PHACTR1: variants seen among roughly 807,000 people sequenced by gnomAD.
PHACTR1 encodes phosphatase and actin regulator 1.
A neutral mutation model predicts 69.2 loss-of-function variants in PHACTR1; 16 were observed. That is an observed-to-expected ratio of 0.23 (90% CI 0.16 to 0.35). The LOEUF (loss-of-function observed/expected upper bound fraction) is 0.35. PHACTR1 is among the 10% of genes least tolerant of loss of function. PHACTR1 has a pLI of 1.00. For synonymous variants in PHACTR1, 312 were observed against 284.5 expected (o/e 1.10, Z -0.97); for missense variants, 510 against 734.7 (o/e 0.69, Z 3.54).
At chr6:13,154,186 A>G (rs1561910058) in intron 5 of PHACTR1, among the ~76,000 whole-genome samples, 1 of 151,950 alleles carries the variant, frequency 6.6e-6, no homozygotes, top group Non-Finnish European at 1.5e-5. Context: ...GTTTTTTGAG[A>G]TGGAGTCTCA....
intron 3 of PHACTR1, among the ~76,000 whole-genome samples, chr6:12,747,558 CA>C (rs1765956276): frequency 6.6e-6 from 1 of 151,854 alleles, no homozygotes; most frequent in Non-Finnish European, 1.5e-5. Flanking sequence ...CCTAGCTACT[CA>C]GGAGGCTTGG....
chr6:13,269,062 C>G (rs1047899281), intron 10 of PHACTR1, among the ~76,000 whole-genome samples: 7 of 152,064 alleles, frequency 4.6e-5, no homozygotes, highest in Admixed American at 1.3e-4. Flanking sequence ...GGGATGGCAC[C>G]GTCAAAGCTG....
At chr6:13,190,073 G>A (rs1405486330) in intron 7 of PHACTR1, among the ~76,000 whole-genome samples, 1 of 147,000 alleles carries the variant, frequency 6.8e-6, no homozygotes, top group Non-Finnish European at 1.5e-5. Flanking sequence ...GCCCAGGCTA[G>A]AGTGCAGTGG....
chr6:12,818,813 G>A (rs1486906269), intron 4 of PHACTR1, among the ~76,000 whole-genome samples: 2 of 152,162 alleles, frequency 1.3e-5, no homozygotes, highest in Admixed American at 1.3e-4. Flanking sequence ...GGTAATTGTA[G>A]CCCAAACAGA....
At chr6:13,150,135 C>T (rs1165315157) in intron 5 of PHACTR1, among the ~76,000 whole-genome samples, 1 of 152,056 alleles carries the variant, frequency 6.6e-6, no homozygotes, top group African/African-American at 2.4e-5. Context: ...TCATTTGAGC[C>T]CAGGAGTTCG....
chr6:12,812,617 G>A (rs1344663901), intron 4 of PHACTR1, among the ~76,000 whole-genome samples: 3 of 152,278 alleles, frequency 2.0e-5, no homozygotes, highest in Non-Finnish European at 2.9e-5. Context: ...GCTCGTGAAC[G>A]CCCCTAGCTT....
chr6:13,161,676 G>A (rs919184768), intron 6 of PHACTR1, among the ~76,000 whole-genome samples: 1 of 152,078 alleles, frequency 6.6e-6, no homozygotes, highest in African/African-American at 2.4e-5. Flanking sequence ...GGGTTCTGGC[G>A]CATCTTTCAG....
At chr6:12,981,595 T>G (rs548705512) in intron 4 of PHACTR1, among the ~76,000 whole-genome samples, 45 of 152,328 alleles carry the variant, frequency 3.0e-4, no homozygotes, top group African/African-American at 8.4e-4. Context: ...AAATCTTTTT[T>G]CCAGGTTAAG....
intron 4 of PHACTR1, among the ~76,000 whole-genome samples, chr6:12,943,722 T>C (rs1790297841): frequency 6.6e-6 from 1 of 152,224 alleles, no homozygotes; most frequent in African/African-American, 2.4e-5. Context: ...TGGTGACAAA[T>C]GGTATATCCA....
intron 4 of PHACTR1, among the ~76,000 whole-genome samples, chr6:12,838,185 A>G (rs1778344687): frequency 6.6e-6 from 1 of 152,226 alleles, no homozygotes; most frequent in Admixed American, 6.5e-5. Context: ...CCCCGTGGCT[A>G]TAACATACCG....
At chr6:13,132,737 A>T (rs1369399193) in intron 5 of PHACTR1, among the ~76,000 whole-genome samples, 1 of 152,184 alleles carries the variant, frequency 6.6e-6, no homozygotes, top group African/African-American at 2.4e-5. Flanking sequence ...GCTAAAAAAA[A>T]AAAAAAAGTG....
At chr6:12,718,094 A>T (rs1365982715) in intron 2 of PHACTR1, among the ~76,000 whole-genome samples, 1 of 152,182 alleles carries the variant, frequency 6.6e-6, no homozygotes, top group East Asian at 1.9e-4. Context: ...TACAAACCAC[A>T]ATTGTTTCTC....
intron 4 of PHACTR1, among the ~76,000 whole-genome samples, chr6:12,824,615 G>A (rs116618080): frequency 6.6e-6 from 1 of 152,314 alleles, no homozygotes; most frequent in South Asian, 2.1e-4. Flanking sequence ...TTTAGAGGGG[G>A]TAGTGAAGAA....
At chr6:12,847,604 A>G (rs191260467) in intron 4 of PHACTR1, among the ~76,000 whole-genome samples, 9 of 152,116 alleles carry the variant, frequency 5.9e-5, no homozygotes, top group African/African-American at 1.7e-4. Flanking sequence ...CAGAAAAACT[A>G]TGAAAACAAT....
chr6:12,934,692 C>T (rs1014832895), intron 4 of PHACTR1, among the ~76,000 whole-genome samples: 3 of 151,964 alleles, frequency 2.0e-5, no homozygotes, highest in African/African-American at 4.8e-5. Context: ...AAAAATTAGT[C>T]GGGTGTGGTA....
intron 4 of PHACTR1, among the ~76,000 whole-genome samples, chr6:12,779,939 T>G (rs543019489): frequency 2.6e-5 from 4 of 152,338 alleles, no homozygotes; most frequent in African/African-American, 9.6e-5. Context: ...CTCACTGAGC[T>G]TTAAATGCTA....
At chr6:12,935,347 G>A (rs574201420) in intron 4 of PHACTR1, among the ~76,000 whole-genome samples, 2 of 152,090 alleles carry the variant, frequency 1.3e-5, no homozygotes, top group South Asian at 2.1e-4. Flanking sequence ...TGATTCAAGC[G>A]ATTCTCCTGC....
intron 4 of PHACTR1, among the ~76,000 whole-genome samples, chr6:13,040,232 G>C (rs148064202): frequency 6.6e-6 from 1 of 152,092 alleles, no homozygotes; most frequent in Non-Finnish European, 1.5e-5. Flanking sequence ...GTCCTGAAGG[G>C]CAGGGCTGAG....
intron 4 of PHACTR1, among the ~76,000 whole-genome samples, chr6:12,919,730 G>A (rs1298110308): frequency 6.6e-6 from 1 of 152,166 alleles, no homozygotes; most frequent in Non-Finnish European, 1.5e-5. Flanking sequence ...TATGTGTAGA[G>A]AGTTAAATAT....
Sources: allele counts gnomAD v4.1 joint callset (sites outside exome capture counted in the v4.1 genomes callset), GRCh38; gene constraint gnomAD v4.1.1; transcripts MANE v1.5; gene names NCBI Gene and HGNC (gene_info 2026-07-23, HGNC 2026-07-21).